Variants in EXOC6 observed in about 807,000 individuals in gnomAD.
The protein encoded by EXOC6 is exocyst complex component 6, also known as SEC15-like 1.
Under a neutral mutation model 112.5 loss-of-function variants are expected in EXOC6, and 60 were observed. The ratio of observed to expected loss-of-function variants is 0.53; its 90% CI spans 0.43 to 0.66. The LOEUF (loss-of-function observed/expected upper bound fraction) is 0.66, where lower values mean the gene tolerates loss of function less well. EXOC6 is among the 30% of genes least tolerant of loss of function. The pLI is 0.00. For missense variants in EXOC6, 855 were observed against 957.1 expected, an observed-to-expected ratio of 0.89 and a Z score of 1.41; for synonymous variants, 295 against 308.0, an observed-to-expected ratio of 0.96 and a Z score of 0.44.
In EXOC6 at chr10:93,056,989, T is replaced by C. The variant is rs186723341; in HGVS notation, c.2235T>C (p.Ser745=). 3.8e-6 allele frequency: 6 copies of C among 1,598,434 alleles called. No homozygotes were observed. The highest frequency in any genetic ancestry group is 1.4e-5 in the African/African-American group (1 of 74,064). The change falls in exon 21 of 22, where the codon TCT becomes TCC. Residue 745 remains serine (S), a synonymous_variant. Transcript: ENST00000260762. ...TAGCTGATTATGGGCAGCCAGCTTCTAAGTACCTTCGGGTGAATCCAAACA... is the reference window on the plus strand; with the variant it reads ...TAGCTGATTATGGGCAGCCAGCTTCCAAGTACCTTCGGGTGAATCCAAACA... ...TYLADYGQPA[S]KYLRVNPNTA... is the part of the protein sequence containing the mutation.
chr10:92,892,602 CAAA>C (rs1237162058), intron 1 of EXOC6, among the ~76,000 whole-genome samples: 1 of 152,200 alleles, frequency 6.6e-6, no homozygotes, highest in African/African-American at 2.4e-5. Context: ...TCCAGGTAAA[CAAA>C]GAAGACACTT....
intron 19 of EXOC6, among the ~76,000 whole-genome samples, chr10:93,006,647 T>A (rs1297731938): frequency 6.6e-6 from 1 of 152,184 alleles, no homozygotes; most frequent in Non-Finnish European, 1.5e-5. Context: ...CACTAGATGG[T>A]GCTCTTAGTC....
intron 7 of EXOC6, among the ~76,000 whole-genome samples, chr10:92,917,243 G>A (rs1207081898): frequency 6.6e-6 from 1 of 152,026 alleles, no homozygotes; most frequent in Non-Finnish European, 1.5e-5. Flanking sequence ...GGGATTACAG[G>A]TGTGGGCCAC....
intron 12 of EXOC6, among the ~76,000 whole-genome samples, chr10:92,939,106 G>T (rs970500184): frequency 1.3e-5 from 2 of 152,100 alleles, no homozygotes; most frequent in Non-Finnish European, 2.9e-5. Context: ...TGATGAGGTG[G>T]TTTGACCCAG....
intron 19 of EXOC6, among the ~76,000 whole-genome samples, chr10:93,010,371 C>T (rs1027327018): frequency 3.9e-5 from 6 of 151,982 alleles, no homozygotes; most frequent in East Asian, 3.9e-4. Flanking sequence ...TATATAATCC[C>T]GGGCAAGTCA....
intron 15 of EXOC6, among the ~76,000 whole-genome samples, chr10:92,952,615 G>A (rs1459109612): frequency 6.6e-6 from 1 of 152,060 alleles, no homozygotes; most frequent in Non-Finnish European, 1.5e-5. Context: ...TCCCCTTCTT[G>A]TAGTCTCCAG....
chr10:92,836,284 G>A (rs56164840), intron 1 of EXOC6, among the ~76,000 whole-genome samples: 10,234 of 152,194 alleles, frequency 0.067, 448 homozygotes, highest in South Asian at 0.15. Context: ...GTCTGTCTCT[G>A]GTGTTGGACT....
At chr10:92,937,540 C>A (rs957617244) in intron 12 of EXOC6, among the ~76,000 whole-genome samples, 1 of 152,074 alleles carries the variant, frequency 6.6e-6, no homozygotes, top group African/African-American at 2.4e-5. Flanking sequence ...CCACAAGCTC[C>A]TTTAGTAAAT....
chr10:92,905,748 T>C (rs1397567161), intron 5 of EXOC6, among the ~76,000 whole-genome samples: 1 of 152,044 alleles, frequency 6.6e-6, no homozygotes, highest in East Asian at 1.9e-4. Flanking sequence ...TTAAGGCATG[T>C]TTTGTGGCCC....
At chr10:92,967,370 A>C (rs901391836) in intron 17 of EXOC6, among the ~76,000 whole-genome samples, 1 of 152,020 alleles carries the variant, frequency 6.6e-6, no homozygotes, top group Admixed American at 6.6e-5. Context: ...GTGACTTAAA[A>C]ATTTCTAGAT....
intron 18 of EXOC6, among the ~76,000 whole-genome samples, chr10:92,992,601 C>T (rs1305866963): frequency 1.3e-5 from 2 of 151,968 alleles, no homozygotes; most frequent in African/African-American, 2.4e-5. Flanking sequence ...TAGTAAAACT[C>T]TAGATTAGTG....
chr10:92,940,616 A>G, intron 12 of EXOC6, 111 bp from the exon 13 acceptor site: 3 of 657,796 alleles, frequency 4.6e-6, no homozygotes, highest in Non-Finnish European at 7.8e-6. Context: ...TGAGAATGGC[A>G]TGCAATGGGA....
intron 18 of EXOC6, among the ~76,000 whole-genome samples, chr10:92,982,253 G>C (rs760287300): frequency 3.3e-5 from 5 of 152,034 alleles, no homozygotes. Context: ...CTAAAAAGCT[G>C]TCCATTAAAA....
In EXOC6 at chr10:92,866,169, ATTATC is replaced by A. The variant is rs1165932561; in HGVS notation, c.101+17539_101+17543del. 1.1e-4 allele frequency among the ~76,000 whole-genome samples: 16 copies of A among 152,310 alleles called. No individual in the cohort carries two copies. The East Asian group carries it at 3.1e-3, about 29-fold the overall frequency. On this transcript the variant is annotated intron_variant, in intron 1 of 21. Transcript: ENST00000260762. ...TTTCTCTCTTACTATTTTTCCTAGT[ATTATC>A]TTAACTGCTGGTAATGATTTTAAAT...
chr10:92,842,360 GAAA>G (rs34778339), intron 1 of EXOC6, among the ~76,000 whole-genome samples: 126 of 107,126 alleles, frequency 1.2e-3, no homozygotes, highest in East Asian at 5.5e-3. Flanking sequence ...CTCTGTCTCA[GAAA>G]AAAAAAAAAA....
intron 17 of EXOC6, among the ~76,000 whole-genome samples, chr10:92,967,876 C>G (rs1842131898): frequency 1.3e-5 from 2 of 152,256 alleles, no homozygotes; most frequent in South Asian, 4.1e-4. Context: ...TGCCTCTCTT[C>G]AGTTGTGTAG....
intron 18 of EXOC6, among the ~76,000 whole-genome samples, chr10:92,976,399 C>T (rs1842607977): frequency 6.6e-6 from 1 of 151,964 alleles, no homozygotes; most frequent in African/African-American, 2.4e-5. Flanking sequence ...TGTGCTGTGT[C>T]CACTCAGGGT....
At chr10:92,962,377 TTAAAAA>T (rs2134044136) in intron 17 of EXOC6, among the ~76,000 whole-genome samples, 1 of 152,130 alleles carries the variant, frequency 6.6e-6, no homozygotes, top group African/African-American at 2.4e-5. Context: ...TGTAAAAATG[TTAAAAA>T]TATATATATA....
intron 7 of EXOC6, among the ~76,000 whole-genome samples, chr10:92,917,815 C>T (rs1292491428): frequency 6.6e-6 from 1 of 152,174 alleles, no homozygotes; most frequent in African/African-American, 2.4e-5. Context: ...GCTGAGATTA[C>T]AGGTGTGAGC....
Sources: allele counts gnomAD v4.1 joint callset (sites outside exome capture counted in the v4.1 genomes callset), GRCh38; gene constraint gnomAD v4.1.1; transcripts MANE v1.5; gene names NCBI Gene and HGNC (gene_info 2026-07-23, HGNC 2026-07-21).